Variants in CSNK2A1 observed in about 807,000 individuals in gnomAD.
CSNK2A1 encodes the protein casein kinase II subunit alpha.
In CSNK2A1, 10 loss-of-function variants were observed where a neutral mutation model predicts 62.9. The ratio of observed to expected loss-of-function variants is 0.16; its 90% CI spans 0.10 to 0.27. CSNK2A1 has a LOEUF of 0.27. CSNK2A1 is among the 10% of genes least tolerant of loss of function. The pLI is 1.00. For synonymous variants in CSNK2A1, 124 were observed against 167.8 expected, an observed-to-expected ratio of 0.74 and a Z score of 2.02; for missense variants, 160 against 492.0, an observed-to-expected ratio of 0.33 and a Z score of 6.38.
At chr20:515,989 C>CT (rs896327071) in intron 2 of CSNK2A1, among the ~76,000 whole-genome samples, 1 of 152,128 alleles carries the variant, frequency 6.6e-6, no homozygotes, top group Non-Finnish European at 1.5e-5. Context: ...TAGGATTTGT[C>CT]TTTTTCCCCT....
In CSNK2A1 at chr20:535,034, CAAAAAAAAAAAAAA is replaced by C. The variant is rs11469217; in HGVS notation, c.-226-6999_-226-6986del. Among the ~76,000 whole-genome samples the C allele has an allele frequency of 2.0e-3, 104 of 50,812 alleles. 3 individuals are homozygous for C. In the South Asian group the frequency reaches 0.041, roughly 20 times the overall value. 33.3% of individuals were successfully genotyped at this position (50,812 alleles called of 152,430 possible). A position where few individuals can be genotyped will look rare whatever the true frequency, so the allele number is the denominator to read the frequency against. ...GGCAACAGAGTGAGATGCTATCTCC[CAAAAAAAAAAAAAA>C]AAAAAAAAAAAAAAAAAATTTCTTC... is the stretch of plus-strand genomic sequence containing the variant. On this transcript the variant is annotated intron_variant, in intron 1 of 13. Transcript: ENST00000217244.
intron 2 of CSNK2A1, among the ~76,000 whole-genome samples, chr20:518,272 AG>A (rs2018868226): frequency 6.6e-6 from 1 of 152,212 alleles, no homozygotes; most frequent in African/African-American, 2.4e-5. Flanking sequence ...CATAAACCAA[AG>A]CCCAGGGCTC....
intron 13 of CSNK2A1, among the ~76,000 whole-genome samples, chr20:484,699 T>C (rs1425328150): frequency 3.4e-5 from 5 of 147,544 alleles, no homozygotes; most frequent in African/African-American, 1.3e-4. Context: ...TGTTTTTGTG[T>C]GTGTGTGTGT....
Position 473,843 on chromosome 20 carries a change from G to A in CSNK2A1, c.*10118C>T, listed in dbSNP as rs1266045416. ...GTCTTCTGATCTCAGCTCTCCAGAA[G>A]ACCTTTTCCAGAAGACCTCTCCCTG... is the stretch of plus-strand genomic sequence containing the variant. On this transcript the variant is annotated 3_prime_UTR_variant, in exon 14 of 14. Transcript: ENST00000217244. 1 of 152,120 alleles carries A rather than the reference G, an allele frequency of 6.6e-6. No homozygotes were observed. Among genetic ancestry groups the A allele is most frequent in the Admixed American group, 6.5e-5 (1 of 15,272 alleles). The allele number at this position is 152,120 out of a possible 1,614,324, so 9.4% of individuals were successfully genotyped here.
chr20:508,359 G>A (rs772119959), intron 3 of CSNK2A1, 92 bp downstream of exon 3: 31 of 1,396,366 alleles, frequency 2.2e-5, no homozygotes, highest in Non-Finnish European at 2.9e-5. Flanking sequence ...TACACATACA[G>A]AGTCACGGAG....
Position 478,550 on chromosome 20 carries a change from A to C in CSNK2A1, c.*5411T>G. The C allele has an allele frequency of 3.2e-6, 1 of 312,636 alleles. No homozygotes were observed. The highest frequency in any genetic ancestry group is 1.4e-4 in the East Asian group (1 of 7,068). 19.4% of individuals were successfully genotyped at this position (312,636 alleles called of 1,614,324 possible). On this transcript the variant is annotated 3_prime_UTR_variant, in exon 14 of 14. Transcript: ENST00000217244. ...CTCAGAAATACTCAATCCCCCCAGGAACTTCTCTAAGAAATGGACTGACCA... is the reference window on the plus strand; with the variant it reads ...CTCAGAAATACTCAATCCCCCCAGGCACTTCTCTAAGAAATGGACTGACCA...
intron 2 of CSNK2A1, among the ~76,000 whole-genome samples, chr20:522,108 TAGG>T (rs1463579319): frequency 6.6e-6 from 1 of 152,162 alleles, no homozygotes; most frequent in Non-Finnish European, 1.5e-5. Context: ...TAGATTCTCA[TAGG>T]AGAACCCTAT....
chr20:514,165 G>C (rs376805141), intron 2 of CSNK2A1, among the ~76,000 whole-genome samples: 5 of 151,882 alleles, frequency 3.3e-5, no homozygotes, highest in African/African-American at 1.2e-4. Context: ...GCAACACAGC[G>C]AGACCTCCTC....
chr20:505,024 CA>C, intron 4 of CSNK2A1, 93 bp downstream of exon 4: 2 of 1,100,246 alleles, frequency 1.8e-6, no homozygotes, highest in Non-Finnish European at 2.6e-6. Flanking sequence ...GCTTTGGCAC[CA>C]AAAACCTTTT....
At position 478,721 on chromosome 20, in the gene CSNK2A1, A is replaced by C. The variant is rs2017897825; in HGVS notation, c.*5240T>G. ...AGGCGGGTAGACTGTTGAGCTCAGG[A>C]GTTCAAGACCAGCCTGGGCAACACG... is the stretch of plus-strand genomic sequence containing the variant. On this transcript the variant is annotated 3_prime_UTR_variant, in exon 14 of 14. Transcript: ENST00000217244. 2.9e-6 allele frequency: 1 copy of C among 350,576 alleles called. No individual in the cohort carries two copies. 21.7% of individuals were successfully genotyped at this position (350,576 alleles called of 1,614,324 possible).
At chr20:527,013 G>T (rs796422492) in intron 2 of CSNK2A1, 1 of 140,464 alleles carries the variant, frequency 7.1e-6, no homozygotes, top group Non-Finnish European at 1.6e-5. Flanking sequence ...GAGAGAGAGA[G>T]AGAGAGAGAG....
chr20:484,891 AC>A (rs1321441953), intron 13 of CSNK2A1, among the ~76,000 whole-genome samples: 1 of 150,712 alleles, frequency 6.6e-6, no homozygotes, highest in Admixed American at 6.6e-5. Flanking sequence ...ACATGGTGAA[AC>A]CCCATCTCTA....
chr20:479,285 T>C lies in CSNK2A1; in HGVS notation c.*4676A>G, dbSNP rs1256741838. On this transcript the variant is annotated 3_prime_UTR_variant, in exon 14 of 14. Transcript: ENST00000217244. The stretch of plus-strand genomic sequence containing the variant: ...CAACATTTGGTGTAACTCTACCATA[T>C]ACCAGGCATCTGTCATAGAATCTGA... 1.3e-5 allele frequency: 2 copies of C among 152,194 alleles called. No homozygotes were observed. Among genetic ancestry groups the C allele is most frequent in the East Asian group, 1.9e-4 (1 of 5,202 alleles). 9.4% of individuals were successfully genotyped at this position (152,194 alleles called of 1,614,324 possible).
chr20:490,462 GGGGTGTGATCTT>G (rs1485103197), intron 9 of CSNK2A1, among the ~76,000 whole-genome samples: 31 of 143,858 alleles, frequency 2.2e-4, no homozygotes, highest in Non-Finnish European at 3.8e-4. Flanking sequence ...CCAGGCTGCA[GGGGTGTGATCTT>G]GGCTCATTGC....
At position 482,436 on chromosome 20, in the gene CSNK2A1, T is replaced by A. The variant is rs995055806; in HGVS notation, c.*1525A>T. ...CACAAACACACAAAAACTGGCGACT[T>A]TTTCCATCCCCAATCCCTGCACTGC... On this transcript the variant is annotated 3_prime_UTR_variant, in exon 14 of 14. Coordinates refer to ENST00000217244, the MANE Select transcript of CSNK2A1 (RefSeq NM_177559.3). 1.3e-5 allele frequency: 2 copies of A among 152,152 alleles called. No individual in the cohort carries two copies. Among genetic ancestry groups the A allele is most frequent in the Non-Finnish European group, 2.9e-5 (2 of 68,044 alleles). 9.4% of individuals were successfully genotyped at this position (152,152 alleles called of 1,614,324 possible). A position where few individuals can be genotyped will look rare whatever the true frequency, so the allele number is the denominator to read the frequency against.
At chr20:536,616 C>T (rs1177437775) in intron 1 of CSNK2A1, among the ~76,000 whole-genome samples, 1 of 152,186 alleles carries the variant, frequency 6.6e-6, no homozygotes, top group Non-Finnish European at 1.5e-5. Flanking sequence ...AACCTATTGC[C>T]TTCCCCTCCC....
intron 1 of CSNK2A1, among the ~76,000 whole-genome samples, chr20:541,313 G>A (rs2019444094): frequency 6.6e-6 from 1 of 152,116 alleles, no homozygotes; most frequent in Admixed American, 6.6e-5. Context: ...ACACAGGATA[G>A]CTACAGATTC....
intron 1 of CSNK2A1, among the ~76,000 whole-genome samples, chr20:531,181 T>G (rs2019204856): frequency 6.6e-6 from 1 of 152,158 alleles, no homozygotes; most frequent in Non-Finnish European, 1.5e-5. Flanking sequence ...AAAAAAAAAT[T>G]TAACTTTCTA....
At chr20:538,474 A>G (rs2019380579) in intron 1 of CSNK2A1, among the ~76,000 whole-genome samples, 1 of 152,236 alleles carries the variant, frequency 6.6e-6, no homozygotes, top group Non-Finnish European at 1.5e-5. Context: ...GTAATAACTC[A>G]AAAGAAATGG....
Sources: allele counts gnomAD v4.1 joint callset (sites outside exome capture counted in the v4.1 genomes callset), GRCh38; gene constraint gnomAD v4.1.1; transcripts MANE v1.5; gene names NCBI Gene and HGNC (gene_info 2026-07-23, HGNC 2026-07-21).